TNRC6A: variants seen among roughly 807,000 people sequenced by gnomAD.
The protein encoded by TNRC6A is trinucleotide repeat-containing gene 6A protein.
Under a neutral mutation model 221.2 loss-of-function variants are expected in TNRC6A, and 44 were observed. The ratio of observed to expected loss-of-function variants is 0.20; its 90% confidence interval spans 0.16 to 0.26. The LOEUF (loss-of-function observed/expected upper bound fraction) is 0.26, where lower values mean the gene tolerates loss of function less well. Among genes scored for constraint, TNRC6A ranks in the 10% least tolerant of loss-of-function variants. TNRC6A has a pLI of 1.00. For synonymous variants in TNRC6A, 847 were observed against 838.5 expected, an observed-to-expected ratio of 1.01 and a Z score of -0.18; for missense variants, 2,199 against 2,404.4, an observed-to-expected ratio of 0.91 and a Z score of 1.79.
chr16:24,627,697 CTTTTT>C (rs57520356), intron 1 of TNRC6A, among the ~76,000 whole-genome samples: 78 of 101,764 alleles, frequency 7.7e-4, no homozygotes, highest in Middle Eastern at 0.012. Context: ...TCTTTTCTTG[CTTTTT>C]TTTTTTTTTT....
In TNRC6A at chr16:24,681,001, TCAAA is replaced by T. The variant is rs2055522874; in HGVS notation, n.402+39996_402+39999del. On this transcript the variant is annotated intron_variant and non_coding_transcript_variant, in intron 2 of 2. Transcript: ENST00000566108. ...CCAGGCTGATCTCAAACTTCTGGGC[TCAAA>T]CAATCTTCCTGCCTCAGCCTCCCAA... is the stretch of plus-strand genomic sequence containing the variant. Among the ~76,000 whole-genome samples, 4 of 151,928 alleles carry T rather than the reference TCAAA, an allele frequency of 2.6e-5. No homozygotes were observed. In the South Asian group the frequency reaches 8.3e-4, roughly 32 times the overall value.
chr16:24,660,728 C>CTTTTTTTTTTTTTTTTTTTTTTTTTT (rs138458968), intron 2 of TNRC6A, among the ~76,000 whole-genome samples: 1 of 122,552 alleles, frequency 8.2e-6, no homozygotes, highest in Non-Finnish European at 1.7e-5. Context: ...TTTCTTTTTT[C>CTTTTTTTTTTTTTTTTTTTTTTTTTT]TTTTTTTTTT....
chr16:24,794,822 TC>T, intron 8 of TNRC6A, 103 bp downstream of exon 8: 1 of 1,140,468 alleles, frequency 8.8e-7, no homozygotes, highest in Non-Finnish European at 1.2e-6. Context: ...GTCAGTACAG[TC>T]CAGGCAGCCC....
At chr16:24,749,000 G>A (rs374370191) in intron 2 of TNRC6A, among the ~76,000 whole-genome samples, 3 of 151,980 alleles carry the variant, frequency 2.0e-5, no homozygotes, top group South Asian at 2.1e-4. Context: ...TCAGCCTCCC[G>A]AGTAGCTGGG....
intron 1 of TNRC6A, among the ~76,000 whole-genome samples, chr16:24,631,464 T>TA (rs1284542691): frequency 3.3e-5 from 5 of 152,150 alleles, no homozygotes; most frequent in African/African-American, 1.2e-4. Context: ...TCTTCCCACT[T>TA]ATTGTAAATA....
intron 4 of TNRC6A, among the ~76,000 whole-genome samples, chr16:24,768,154 G>A (rs980303421): frequency 1.3e-5 from 2 of 152,112 alleles, no homozygotes; most frequent in African/African-American, 2.4e-5. Context: ...TGCCTGGGCC[G>A]GGCGCGGTGG....
At chr16:24,732,794 A>G (rs113392491) in intron 2 of TNRC6A, among the ~76,000 whole-genome samples, 66 of 152,198 alleles carry the variant, frequency 4.3e-4, no homozygotes, top group African/African-American at 5.8e-4. Flanking sequence ...ACAATCACCA[A>G]TGCTTCCAGA....
chr16:24,631,321 G>T (rs1234210417), intron 1 of TNRC6A, among the ~76,000 whole-genome samples: 1 of 152,086 alleles, frequency 6.6e-6, no homozygotes, highest in Non-Finnish European at 1.5e-5. Flanking sequence ...CAGTGGCCAA[G>T]TCTCAGATGT....
intron 2 of TNRC6A, among the ~76,000 whole-genome samples, chr16:24,657,317 C>CAAAAAAAAAAAAAAAA (rs56241898): frequency 9.1e-5 from 8 of 88,152 alleles, no homozygotes; most frequent in Admixed American, 3.0e-4. Context: ...GACCCTATCT[C>CAAAAAAAAAAAAAAAA]AAAAAAAAAA....
intron 2 of TNRC6A, among the ~76,000 whole-genome samples, chr16:24,741,042 T>C (rs563989123): frequency 4.9e-4 from 75 of 152,372 alleles, no homozygotes; most frequent in African/African-American, 1.7e-3. Flanking sequence ...CAGTAGTCTT[T>C]ATGTATCTGG....
At chr16:24,614,522 C>G (rs917760480) in intron 1 of TNRC6A, among the ~76,000 whole-genome samples, 4 of 152,152 alleles carry the variant, frequency 2.6e-5, no homozygotes, top group African/African-American at 9.7e-5. Flanking sequence ...TCAGACTTTG[C>G]TTTTTGCTTG....
intron 1 of TNRC6A, among the ~76,000 whole-genome samples, chr16:24,627,134 T>TG (rs1901060333): frequency 6.6e-6 from 1 of 152,040 alleles, no homozygotes; most frequent in Non-Finnish European, 1.5e-5. Flanking sequence ...AAATATTATC[T>TG]GGGGTACTGC....
chr16:24,653,275 C>A (rs1377954809), intron 2 of TNRC6A, among the ~76,000 whole-genome samples: 2 of 152,038 alleles, frequency 1.3e-5, no homozygotes, highest in African/African-American at 2.4e-5. Context: ...AATGATGAGA[C>A]CTGAGATGAC....
chr16:24,679,507 T>C (rs12597999), intron 2 of TNRC6A, among the ~76,000 whole-genome samples: 10,564 of 151,312 alleles, frequency 0.07, 922 homozygotes, highest in East Asian at 0.32. Context: ...GACGGAGTCT[T>C]GCTCTGTCGC....
intron 2 of TNRC6A, among the ~76,000 whole-genome samples, chr16:24,745,657 A>G (rs1344012495): frequency 6.6e-6 from 1 of 151,822 alleles, no homozygotes; most frequent in Non-Finnish European, 1.5e-5. Context: ...CCCTTGTCCC[A>G]TTATTGTCAT....
intron 2 of TNRC6A, among the ~76,000 whole-genome samples, chr16:24,733,829 A>G (rs193182422): frequency 1.3e-5 from 2 of 152,274 alleles, no homozygotes; most frequent in Admixed American, 6.5e-5. Context: ...ATGGGAGAAA[A>G]CTAGCGATCT....
At chr16:24,792,340 A>C (rs1204285764) in intron 6 of TNRC6A, among the ~76,000 whole-genome samples, 1 of 152,158 alleles carries the variant, frequency 6.6e-6, no homozygotes, top group Non-Finnish European at 1.5e-5. Flanking sequence ...CTAATAATGA[A>C]CTAATTCCTA....
chr16:24,712,907 CTGTGTGTGTGTGTGTGTGTGTGTGTG>C (rs61198955), intron 2 of TNRC6A, among the ~76,000 whole-genome samples: 2 of 126,702 alleles, frequency 1.6e-5, no homozygotes, highest in Admixed American at 1.6e-4. Context: ...TTATGTGCCA[CTGTGTGTGTGTGTGTGTGTGTGTGTG>C]TGTGTGTGTG....
At chr16:24,800,022 G>C (rs1410435972) in intron 11 of TNRC6A, among the ~76,000 whole-genome samples, 1 of 152,168 alleles carries the variant, frequency 6.6e-6, no homozygotes, top group Admixed American at 6.5e-5. Context: ...TTGTTTGTTT[G>C]TTTGTTTGCC....
Sources: allele counts gnomAD v4.1 joint callset (sites outside exome capture counted in the v4.1 genomes callset), GRCh38; gene constraint gnomAD v4.1.1; transcripts MANE v1.5; gene names NCBI Gene and HGNC (gene_info 2026-07-23, HGNC 2026-07-21).